The following PCCA variants were observed in gnomAD, a reference collection of about 807,000 sequenced individuals.
PCCA encodes the protein propionyl-CoA carboxylase subunit alpha.
PCCA carries 74 observed loss-of-function variants against 101.3 expected under a neutral mutation model. The observed-to-expected ratio is 0.73, with a 90% CI of 0.61 to 0.89. The LOEUF (loss-of-function observed/expected upper bound fraction) is 0.89. Ranked by LOEUF, PCCA falls within the 40% of genes least tolerant of loss-of-function variation. The pLI is 0.00. For synonymous variants in PCCA, 294 were observed against 313.6 expected (o/e 0.94, Z 0.66); for missense variants, 891 against 907.0 (o/e 0.98, Z 0.23).
intron 5 of PCCA, among the ~76,000 whole-genome samples, chr13:100,155,396 C>G (rs1369693236): frequency 6.6e-6 from 1 of 152,186 alleles, no homozygotes; most frequent in Non-Finnish European, 1.5e-5. Flanking sequence ...GAGTATTAAC[C>G]CTTTCCGTGT....
intron 6 of PCCA, among the ~76,000 whole-genome samples, chr13:100,174,640 A>T (rs149225205): frequency 6.7e-6 from 1 of 149,806 alleles, no homozygotes; most frequent in Non-Finnish European, 1.5e-5. Flanking sequence ...AGGCAGGAGA[A>T]TTGCTTGGAC....
chr13:100,334,332 A>G (rs114104257), intron 17 of PCCA, among the ~76,000 whole-genome samples: 2,624 of 152,258 alleles, frequency 0.017, 95 homozygotes, highest in African/African-American at 0.059. Flanking sequence ...AATTGGTTGT[A>G]CCCTGCGGCT....
intron 21 of PCCA, among the ~76,000 whole-genome samples, chr13:100,511,976 G>T (rs1032010328): frequency 6.6e-5 from 10 of 152,130 alleles, no homozygotes; most frequent in African/African-American, 2.4e-4. Flanking sequence ...TGCTGTCTTT[G>T]GGGTGCTGAT....
intron 12 of PCCA, among the ~76,000 whole-genome samples, chr13:100,296,452 A>G (rs2065539196): frequency 6.7e-6 from 1 of 150,104 alleles, no homozygotes; most frequent in East Asian, 2.0e-4. Flanking sequence ...AAGTTTTGCC[A>G]TGTTGTCCAG....
chr13:100,446,115 G>A (rs979264893), intron 20 of PCCA, among the ~76,000 whole-genome samples: 28 of 152,040 alleles, frequency 1.8e-4, no homozygotes, highest in Non-Finnish European at 1.3e-4. Flanking sequence ...TCGGCTCACT[G>A]CAACCTCCAA....
intron 4 of PCCA, among the ~76,000 whole-genome samples, chr13:100,121,153 G>GTTT (rs747251831): frequency 1.8e-4 from 18 of 99,454 alleles, no homozygotes; most frequent in East Asian, 3.1e-4. Flanking sequence ...GATTTCTTAG[G>GTTT]TTTTTTTTTT....
chr13:100,283,424 T>C (rs529464633), intron 12 of PCCA, among the ~76,000 whole-genome samples: 4 of 152,264 alleles, frequency 2.6e-5, no homozygotes, highest in Admixed American at 2.6e-4. Context: ...CATGAATTAT[T>C]CAATGATGTC....
At chr13:100,341,974 TA>T (rs2071413851) in intron 18 of PCCA, among the ~76,000 whole-genome samples, 2 of 85,724 alleles carry the variant, frequency 2.3e-5, no homozygotes, top group South Asian at 5.9e-4. Context: ...TATATATATA[TA>T]TATATATGTA....
chr13:100,186,863 C>A (rs2057324109), intron 6 of PCCA, among the ~76,000 whole-genome samples: 2 of 151,744 alleles, frequency 1.3e-5, no homozygotes, highest in African/African-American at 2.4e-5. Flanking sequence ...GATTTATATT[C>A]TCTTAAGTAT....
chr13:100,184,054 G>T (rs1470119301), intron 6 of PCCA, among the ~76,000 whole-genome samples: 6 of 152,138 alleles, frequency 3.9e-5, no homozygotes, highest in Non-Finnish European at 8.8e-5. Context: ...TCTACAGGCT[G>T]TACAAGAAGC....
chr13:100,346,932 GGT>G (rs2072328616), intron 18 of PCCA, among the ~76,000 whole-genome samples: 1 of 151,986 alleles, frequency 6.6e-6, no homozygotes, highest in Non-Finnish European at 1.5e-5. Flanking sequence ...GGAGGGCAGT[GGT>G]GTGATCTTGG....
At position 100,273,364 on chromosome 13, in the gene PCCA, T is replaced by A. The variant is rs1458093935; in HGVS notation, c.1065+18T>A. On this transcript the variant is annotated intron_variant, in intron 12 of 23. Coordinates refer to ENST00000376285, the MANE Select transcript of PCCA (RefSeq NM_000282.4). Reference sequence around the variant, plus strand: ...GACTCCAGGTAACAACAACTGTTATTTATTCCTCTCCATGCCTCTGTACTT... The same window carrying A: ...GACTCCAGGTAACAACAACTGTTATATATTCCTCTCCATGCCTCTGTACTT... 4 of 1,601,264 alleles carry A rather than the reference T, an allele frequency of 2.5e-6. No individual in the cohort carries two copies. In the African/African-American group the frequency reaches 5.4e-5, roughly 21 times the overall value.
chr13:100,388,796 A>C (rs1229884116), intron 19 of PCCA, among the ~76,000 whole-genome samples: 3 of 152,230 alleles, frequency 2.0e-5, no homozygotes, highest in Non-Finnish European at 4.4e-5. Context: ...ACTCCGTCTT[A>C]AAAAATAAAA....
chr13:100,301,653 T>G, intron 13 of PCCA, 50 bp downstream of exon 13: 1 of 1,596,490 alleles, frequency 6.3e-7, no homozygotes, highest in Non-Finnish European at 8.6e-7. Context: ...TCCAGAGTCA[T>G]GAGACCTGGT....
chr13:100,318,525 C>T (rs1047962088), intron 16 of PCCA, among the ~76,000 whole-genome samples: 13 of 136,534 alleles, frequency 9.5e-5, no homozygotes, highest in African/African-American at 3.5e-4. Context: ...TGTTCCCCTT[C>T]CTGTGTCCAA....
intron 21 of PCCA, among the ~76,000 whole-genome samples, chr13:100,465,636 G>A (rs2082457910): frequency 6.6e-6 from 1 of 152,142 alleles, no homozygotes; most frequent in Admixed American, 6.5e-5. Flanking sequence ...TCTCTGTTGT[G>A]GGAGACTGCC....
intron 12 of PCCA, among the ~76,000 whole-genome samples, chr13:100,287,704 G>A (rs766724826): frequency 1.3e-5 from 2 of 152,060 alleles, no homozygotes; most frequent in African/African-American, 2.4e-5. Flanking sequence ...GGCTCTCCTG[G>A]AGGTTTCATC....
intron 19 of PCCA, among the ~76,000 whole-genome samples, chr13:100,410,059 C>T (rs531064479): frequency 1.8e-4 from 28 of 152,254 alleles, no homozygotes; most frequent in Non-Finnish European, 3.7e-4. Flanking sequence ...CATGCCCAGC[C>T]TGTCACCCGT....
At chr13:100,199,648 T>C (rs994983380) in intron 6 of PCCA, among the ~76,000 whole-genome samples, 5 of 152,238 alleles carry the variant, frequency 3.3e-5, no homozygotes, top group Admixed American at 2.0e-4. Flanking sequence ...TTTTAAGATA[T>C]AAGCAGACTT....
Sources: allele counts gnomAD v4.1 joint callset (sites outside exome capture counted in the v4.1 genomes callset), GRCh38; gene constraint gnomAD v4.1.1; transcripts MANE v1.5; gene names NCBI Gene and HGNC (gene_info 2026-07-23, HGNC 2026-07-21).